NR6A1: variants seen among roughly 807,000 people sequenced by gnomAD.
NR6A1 encodes nuclear receptor subfamily 6 group A member 1.
Under a neutral mutation model 59.1 loss-of-function variants are expected in NR6A1, and 7 were observed. The ratio of observed to expected loss-of-function variants is 0.12; its 90% CI spans 0.07 to 0.22. The LOEUF is 0.22. Ranked by LOEUF, NR6A1 falls within the 10% of genes least tolerant of loss-of-function variation. The pLI, the probability that NR6A1 is intolerant of heterozygous loss-of-function variation, is 1.00. For synonymous variants in NR6A1, 243 were observed against 236.1 expected (o/e 1.03, Z -0.27); for missense variants, 468 against 611.6 (o/e 0.77, Z 2.48).
intron 2 of NR6A1, among the ~76,000 whole-genome samples, chr9:124,609,439 G>T (rs965190312): frequency 6.6e-6 from 1 of 152,118 alleles, no homozygotes; most frequent in Non-Finnish European, 1.5e-5. Flanking sequence ...CCTTATTTCT[G>T]AGTTCTCTAT....
chr9:124,537,158 C>T (rs1833293911), intron 6 of NR6A1, among the ~76,000 whole-genome samples: 1 of 151,764 alleles, frequency 6.6e-6, no homozygotes, highest in African/African-American at 2.4e-5. Flanking sequence ...ACCGCAACCT[C>T]AGCTCGCTGC....
intron 2 of NR6A1, among the ~76,000 whole-genome samples, chr9:124,677,125 T>G (rs555553979): frequency 4.6e-5 from 7 of 152,268 alleles, no homozygotes; most frequent in African/African-American, 1.4e-4. Flanking sequence ...AAGGCCTTAG[T>G]GCTCATAAAC....
chr9:124,733,246 T>C, intron 2 of NR6A1, 62 bp downstream of exon 2: 1 of 1,218,232 alleles, frequency 8.2e-7, no homozygotes, highest in Non-Finnish European at 1.2e-6. Flanking sequence ...AGTTATTCAC[T>C]TAAAAGTGTA....
intron 2 of NR6A1, among the ~76,000 whole-genome samples, chr9:124,663,098 C>T (rs1837496176): frequency 6.6e-6 from 1 of 152,146 alleles, no homozygotes. Context: ...TTTAAACAAT[C>T]TAGATTGTAT....
In NR6A1 at chr9:124,538,274, G is replaced by A; in HGVS notation, c.642C>T (p.Tyr214=). The A allele has an allele frequency of 6.2e-7, 1 of 1,614,192 alleles. No homozygotes were observed. The highest frequency in any genetic ancestry group is 1.3e-5 in the African/African-American group (1 of 75,040). ...AATGTGGAGGCACAGACATTCCCATGTACTGTTCCCTGAAGGCCATGAATC... is the reference window on the plus strand; with the variant it reads ...AATGTGGAGGCACAGACATTCCCATATACTGTTCCCTGAAGGCCATGAATC... ...LNGFMAFREQ[Y]MGMSVPPHYQ... is the part of the protein sequence containing the mutation. Residue 214 remains tyrosine (Y), a synonymous_variant, in exon 6 of 10, where the codon TAC becomes TAT. Coordinates refer to ENST00000487099, the MANE Select transcript of NR6A1 (RefSeq NM_033334.4).
intron 2 of NR6A1, among the ~76,000 whole-genome samples, chr9:124,667,778 T>G (rs1311978194): frequency 6.6e-6 from 1 of 152,240 alleles, no homozygotes; most frequent in African/African-American, 2.4e-5. Context: ...TGATATACCT[T>G]GTAAAATAAC....
intron 2 of NR6A1, among the ~76,000 whole-genome samples, chr9:124,713,748 G>C (rs988864364): frequency 9.2e-5 from 14 of 152,196 alleles, no homozygotes. Context: ...ATAAGTGTTG[G>C]TGAGGATGTG....
At chr9:124,728,129 C>T (rs1487771267) in intron 2 of NR6A1, among the ~76,000 whole-genome samples, 2 of 152,010 alleles carry the variant, frequency 1.3e-5, no homozygotes, top group East Asian at 2.0e-4. Context: ...CGGGTTCACA[C>T]CATTCTCCTG....
chr9:124,598,983 G>T lies in NR6A1; in HGVS notation c.143-44413C>A, dbSNP rs75679191. The T allele has an allele frequency of 1.5e-3, 1,127 of 730,188 alleles. 10 individuals carry two copies. The African/African-American group carries it at 0.016, about 10-fold the overall frequency. 45.2% of individuals were successfully genotyped at this position (730,188 alleles called of 1,614,324 possible). ...ACGTTGGGTTTCAGCTCCACCATTG[G>T]CGTGTAGTGGTTGGCACAAATCTTC... On this transcript the variant is annotated intron_variant, in intron 2 of 9. Coordinates refer to ENST00000487099, the MANE Select transcript of NR6A1 (RefSeq NM_033334.4).
intron 8 of NR6A1, among the ~76,000 whole-genome samples, chr9:124,526,272 T>TTGTGTGTA (rs1554724072): frequency 2.0e-5 from 3 of 150,176 alleles, no homozygotes; most frequent in Non-Finnish European, 4.4e-5. Flanking sequence ...CCATGCTTGA[T>TTGTGTGTA]TGTGTGTATG....
chr9:124,551,446 C>T (rs1290636280), intron 3 of NR6A1, among the ~76,000 whole-genome samples: 2 of 152,084 alleles, frequency 1.3e-5, no homozygotes, highest in African/African-American at 4.8e-5. Flanking sequence ...TCTCATTGTC[C>T]ACAATATATT....
chr9:124,630,670 C>CTTTTTTTTTTT lies in NR6A1; in HGVS notation c.143-76111_143-76101dup, dbSNP rs71372980. ...GACCCCTGGGCAAGTTACTACATTT[C>CTTTTTTTTTTT]TTTTTTTTTTTTTTTTTTTTTTTTT... On this transcript the variant is annotated intron_variant, in intron 2 of 9. Transcript: ENST00000487099. Among the ~76,000 whole-genome samples, 11 of 59,520 alleles carry CTTTTTTTTTTT rather than the reference C, an allele frequency of 1.8e-4. 1 individual carries two copies. The highest frequency in any genetic ancestry group is 5.8e-4 in the African/African-American group (8 of 13,868). The allele number at this position is 59,520 out of a possible 152,430, so 39.0% of individuals were successfully genotyped here.
At chr9:124,576,026 T>A (rs937552233) in intron 2 of NR6A1, among the ~76,000 whole-genome samples, 1 of 152,172 alleles carries the variant, frequency 6.6e-6, no homozygotes, top group Non-Finnish European at 1.5e-5. Context: ...GCCTGGGGCG[T>A]ACTGGGTTTG....
At position 124,683,600 on chromosome 9, in the gene NR6A1, C is replaced by T. The variant is rs578204303; in HGVS notation, c.142+49708G>A. 1.0e-3 allele frequency among the ~76,000 whole-genome samples: 159 copies of T among 152,238 alleles called. 1 individual carries two copies. Among genetic ancestry groups the T allele is most frequent in the African/African-American group, 3.7e-3 (155 of 41,550 alleles). On this transcript the variant is annotated intron_variant, in intron 2 of 9. Coordinates refer to ENST00000487099, the MANE Select transcript of NR6A1 (RefSeq NM_033334.4). ...CCTGAGGTCAGGAGTTCAAGACCAG[C>T]CTGGTCAACATGGTGAAATCCCATC...
chr9:124,648,234 C>T (rs764146794), intron 2 of NR6A1, among the ~76,000 whole-genome samples: 38 of 152,082 alleles, frequency 2.5e-4, no homozygotes, highest in Non-Finnish European at 4.0e-4. Flanking sequence ...TAATCCACCA[C>T]ACGCCTGTAA....
At chr9:124,534,960 T>C (rs1405207663) in intron 7 of NR6A1, among the ~76,000 whole-genome samples, 1 of 152,024 alleles carries the variant, frequency 6.6e-6, no homozygotes, top group Non-Finnish European at 1.5e-5. Flanking sequence ...CCATCTCTAC[T>C]AAATATACAA....
intron 2 of NR6A1, among the ~76,000 whole-genome samples, chr9:124,592,925 G>A (rs1249866991): frequency 6.6e-6 from 1 of 152,180 alleles, no homozygotes; most frequent in African/African-American, 2.4e-5. Context: ...AGTACCTAAT[G>A]AATTAATGCC....
In NR6A1 at chr9:124,649,827, G is replaced by A. The variant is rs1837046688; in HGVS notation, c.142+83481C>T. 2.6e-5 allele frequency among the ~76,000 whole-genome samples: 4 copies of A among 151,878 alleles called. No individual in the cohort carries two copies. In the South Asian group the frequency reaches 8.3e-4, roughly 32 times the overall value. On this transcript the variant is annotated intron_variant, in intron 2 of 9. Transcript: ENST00000487099. Reference sequence around the variant, plus strand: ...TTTCTCAAAAGCAGACACACAAATGGCTAACAGATATATTTTTAAAAATAC... The same window carrying A: ...TTTCTCAAAAGCAGACACACAAATGACTAACAGATATATTTTTAAAAATAC...
chr9:124,708,903 C>T (rs1207215951), intron 2 of NR6A1, among the ~76,000 whole-genome samples: 2 of 152,172 alleles, frequency 1.3e-5, no homozygotes, highest in African/African-American at 4.8e-5. Flanking sequence ...CCCACTGGCC[C>T]AGGTCTTAAC....
Sources: allele counts gnomAD v4.1 joint callset (sites outside exome capture counted in the v4.1 genomes callset), GRCh38; gene constraint gnomAD v4.1.1; transcripts MANE v1.5; gene names NCBI Gene and HGNC (gene_info 2026-07-23, HGNC 2026-07-21).